PAFAH1B1: variants seen among roughly 807,000 people sequenced by gnomAD.
PAFAH1B1 encodes platelet activating factor acetylhydrolase 1b regulatory subunit 1, also known as platelet-activating factor acetylhydrolase IB subunit beta.
A neutral mutation model predicts 57.5 loss-of-function variants in PAFAH1B1; 2 were observed. The ratio of observed to expected loss-of-function variants is 0.03; its 90% confidence interval spans 0.01 to 0.11. The LOEUF (loss-of-function observed/expected upper bound fraction) is 0.11. Ranked by LOEUF, PAFAH1B1 falls within the 10% of genes least tolerant of loss-of-function variation. The probability of loss-of-function intolerance (pLI) is 1.00; values close to 1 mark genes in which losing one functional copy is unlikely to be tolerated. For synonymous variants in PAFAH1B1, 152 were observed against 169.6 expected (o/e 0.90, Z 0.81); for missense variants, 257 against 512.0 (o/e 0.50, Z 4.81).
rs1050076811 is a variant in PAFAH1B1, at chr17:2,620,579, C to T, written c.-190-17520C>T. Among the ~76,000 whole-genome samples, 67 of 152,026 alleles carry T rather than the reference C, an allele frequency of 4.4e-4. 1 individual carries two copies. Among genetic ancestry groups the T allele is most frequent in the African/African-American group, 1.5e-3 (64 of 41,396 alleles). On this transcript the variant is annotated intron_variant, in intron 1 of 10. Transcript: ENST00000397195. ...AGAACCAGCATAACTAAGAAAGTAG[C>T]GTGGCCGGGCGCCGTTGCTCATGCC...
chr17:2,674,397 T>C, intron 8 of PAFAH1B1, 109 bp downstream of exon 8: 1 of 779,998 alleles, frequency 1.3e-6, no homozygotes, highest in South Asian at 1.5e-5. Flanking sequence ...AAAATCTGCA[T>C]CCAGCAATTC....
At chr17:2,620,701 A>G (rs1219948040) in intron 1 of PAFAH1B1, among the ~76,000 whole-genome samples, 2 of 152,114 alleles carry the variant, frequency 1.3e-5, no homozygotes, top group Non-Finnish European at 2.9e-5. Context: ...GTCTCTACTA[A>G]AAATACAAAA....
chr17:2,644,215 A>G (rs1597547314), intron 2 of PAFAH1B1, among the ~76,000 whole-genome samples: 1 of 150,538 alleles, frequency 6.6e-6, no homozygotes, highest in Admixed American at 6.6e-5. Context: ...TTTTCCATAT[A>G]AGCTCATAAA....
chr17:2,678,068 C>T (rs2069300169), intron 9 of PAFAH1B1, among the ~76,000 whole-genome samples: 1 of 151,296 alleles, frequency 6.6e-6, no homozygotes, highest in Non-Finnish European at 1.5e-5. Context: ...ACCAGCCTGG[C>T]CAACATGGTG....
rs1039639042 is a variant in PAFAH1B1 at position 2,683,135 on chromosome 17, G to A, written c.*1333G>A. ...TTCCAGCCGAAGGAAAATCACTTCC[G>A]TTATGTCCCCCTCTAATTTAGCCGC... On this transcript the variant is annotated 3_prime_UTR_variant, in exon 11 of 11. Transcript: ENST00000397195. The A allele has an allele frequency of 2.6e-5, 4 of 152,126 alleles. No homozygotes were observed. Among genetic ancestry groups the A allele is most frequent in the Non-Finnish European group, 4.4e-5 (3 of 68,030 alleles). 9.4% of individuals were successfully genotyped at this position (152,126 alleles called of 1,614,324 possible). A position where few individuals can be genotyped will look rare whatever the true frequency, so the allele number is the denominator to read the frequency against.
intron 1 of PAFAH1B1, among the ~76,000 whole-genome samples, chr17:2,630,515 G>C (rs1484845929): frequency 6.6e-6 from 1 of 152,184 alleles, no homozygotes; most frequent in African/African-American, 2.4e-5. Flanking sequence ...TAGGTTACCT[G>C]GTGCTTCTGT....
At chr17:2,609,763 G>A (rs1421480955) in intron 1 of PAFAH1B1, among the ~76,000 whole-genome samples, 1 of 151,822 alleles carries the variant, frequency 6.6e-6, no homozygotes, top group East Asian at 1.9e-4. Flanking sequence ...ACCCGCCTAG[G>A]CCTCCCAAAG....
rs140080173 is a variant in PAFAH1B1, at chr17:2,608,278, G to C, written c.-191+14272G>C. Among the ~76,000 whole-genome samples, 824 of 152,056 alleles carry C rather than the reference G, an allele frequency of 5.4e-3. 5 individuals carry two copies. The highest frequency in any genetic ancestry group is 0.016 in the South Asian group (77 of 4,816). ...TTTTGTATTTTTAGTAGAGATGGGG[G>C]TTGCACTATGTTGGCCAGGCTGGTC... On this transcript the variant is annotated intron_variant, in intron 1 of 10. Coordinates refer to ENST00000397195, the MANE Select transcript of PAFAH1B1 (RefSeq NM_000430.4).
intron 2 of PAFAH1B1, among the ~76,000 whole-genome samples, chr17:2,650,837 G>T (rs1466348378): frequency 2.0e-5 from 3 of 151,926 alleles, no homozygotes; most frequent in Non-Finnish European, 4.4e-5. Flanking sequence ...TTGTTTTGTT[G>T]TGTTTTCTGT....
intron 2 of PAFAH1B1, among the ~76,000 whole-genome samples, chr17:2,648,916 T>C (rs2068810350): frequency 7.2e-6 from 1 of 139,072 alleles, no homozygotes; most frequent in South Asian, 2.2e-4. Context: ...TCTGCATCTA[T>C]TTCAGTATAT....
chr17:2,675,652 A>G (rs2069252179), intron 8 of PAFAH1B1, among the ~76,000 whole-genome samples: 1 of 151,064 alleles, frequency 6.6e-6, no homozygotes, highest in South Asian at 2.1e-4. Flanking sequence ...TTTTTTTTAA[A>G]CTCACCACTA....
At chr17:2,631,748 C>T (rs749663788) in intron 1 of PAFAH1B1, among the ~76,000 whole-genome samples, 5 of 152,130 alleles carry the variant, frequency 3.3e-5, no homozygotes, top group Non-Finnish European at 7.3e-5. Flanking sequence ...GTCTGTGGAT[C>T]CTCTTGGGGT....
intron 10 of PAFAH1B1, 64 bp from the exon 11 acceptor site, chr17:2,681,665 C>A: frequency 1.6e-6 from 2 of 1,246,780 alleles, no homozygotes; most frequent in Non-Finnish European, 2.3e-6. Context: ...GAGAGGGGGT[C>A]TCACTATGTT....
In PAFAH1B1 at chr17:2,681,869, C is replaced by G; in HGVS notation, c.*67C>G. ...GCACTCTGATGATACCATGGTTACC[C>G]CATTGAGCTCTGTTTAAATAAATAT... On this transcript the variant is annotated 3_prime_UTR_variant, in exon 11 of 11. Transcript: ENST00000397195. 9.2e-7 allele frequency: 1 copy of G among 1,081,972 alleles called. No individual in the cohort carries two copies. 67.0% of individuals were successfully genotyped at this position (1,081,972 alleles called of 1,614,324 possible). A position where few individuals can be genotyped will look rare whatever the true frequency, so the allele number is the denominator to read the frequency against.
At position 2,644,770 on chromosome 17, in the gene PAFAH1B1, T is replaced by C. The variant is rs1321166716; in HGVS notation, c.32+6450T>C. Among the ~76,000 whole-genome samples, 9 of 152,318 alleles carry C rather than the reference T, an allele frequency of 5.9e-5. No homozygotes were observed. In the East Asian group the frequency reaches 1.4e-3, roughly 23 times the overall value. ...TGTTATTTCTGAGTCAATTCAGATC[T>C]GTCTTCCAGATGCTTTGTATGAACT... On this transcript the variant is annotated intron_variant, in intron 2 of 10. Transcript: ENST00000397195.
intron 1 of PAFAH1B1, among the ~76,000 whole-genome samples, chr17:2,594,713 C>T (rs1357484368): frequency 6.6e-6 from 1 of 152,228 alleles, no homozygotes; most frequent in African/African-American, 2.4e-5. Flanking sequence ...TTCTTTCTGC[C>T]ACCGGCTCCT....
At chr17:2,617,826 A>G (rs1355949335) in intron 1 of PAFAH1B1, among the ~76,000 whole-genome samples, 1 of 152,092 alleles carries the variant, frequency 6.6e-6, no homozygotes, top group Non-Finnish European at 1.5e-5. Context: ...AGGCTGAGGC[A>G]GGAGAATTGC....
At chr17:2,602,043 A>G (rs1294089193) in intron 1 of PAFAH1B1, among the ~76,000 whole-genome samples, 1 of 152,226 alleles carries the variant, frequency 6.6e-6, no homozygotes, top group Non-Finnish European at 1.5e-5. Context: ...ACAAATTTTA[A>G]TTTGTCTTTA....
rs2069407407 is a variant in PAFAH1B1, at chr17:2,682,951, G to A, written c.*1149G>A. 1 of 152,598 alleles carries A rather than the reference G, an allele frequency of 6.6e-6. No homozygotes were observed. Among genetic ancestry groups the A allele is most frequent in the African/African-American group, 2.4e-5 (1 of 41,412 alleles). 9.5% of individuals were successfully genotyped at this position (152,598 alleles called of 1,614,324 possible). A position where few individuals can be genotyped will look rare whatever the true frequency, so the allele number is the denominator to read the frequency against. On this transcript the variant is annotated 3_prime_UTR_variant, in exon 11 of 11. Transcript: ENST00000397195. ...TGTAAGTGGATAAGTCTGTATGTGT[G>A]TATCATACACATCAACCTCCATGTC...
Sources: allele counts gnomAD v4.1 joint callset (sites outside exome capture counted in the v4.1 genomes callset), GRCh38; gene constraint gnomAD v4.1.1; transcripts MANE v1.5; gene names NCBI Gene and HGNC (gene_info 2026-07-23, HGNC 2026-07-21).